The following XKR9 variants were observed in gnomAD, a reference collection of about 807,000 sequenced individuals.
XKR9 encodes XK related 9.
XKR9 carries 32 observed loss-of-function variants against 32.0 expected under a neutral mutation model. That is an observed-to-expected ratio of 1.00 (90% CI 0.76 to 1.34). The LOEUF (loss-of-function observed/expected upper bound fraction) is 1.34, where lower values mean the gene tolerates loss of function less well. Among genes scored for constraint, XKR9 ranks in the 40% most tolerant of loss-of-function variants. The probability of loss-of-function intolerance (pLI) is 0.00; values close to 1 mark genes in which losing one functional copy is unlikely to be tolerated. For synonymous variants in XKR9, 168 were observed against 143.4 expected (o/e 1.17, Z -1.22); for missense variants, 546 against 429.7 (o/e 1.27, Z -2.39).
the XKR9 span, among the ~76,000 whole-genome samples, chr8:70,976,124 AG>A: frequency 6.6e-6 from 1 of 152,216 alleles, no homozygotes; most frequent in Non-Finnish European, 1.5e-5. Context: ...GTTGCTTATC[AG>A]CTTAAGGAGA....
intron 3 of XKR9, among the ~76,000 whole-genome samples, chr8:70,691,580 G>A (rs1805071995): frequency 6.6e-6 from 1 of 152,070 alleles, no homozygotes; most frequent in African/African-American, 2.4e-5. Flanking sequence ...GTATTCAGTT[G>A]ATTTTTGTAT....
At chr8:70,847,789 A>G in the XKR9 span, among the ~76,000 whole-genome samples, 2 of 152,086 alleles carry the variant, frequency 1.3e-5, no homozygotes, top group African/African-American at 4.8e-5. Flanking sequence ...AGAAAACCTC[A>G]GTAAACCAAT....
At chr8:71,046,439 T>C in the XKR9 span, among the ~76,000 whole-genome samples, 1 of 152,200 alleles carries the variant, frequency 6.6e-6, no homozygotes, top group African/African-American at 2.4e-5. Context: ...CTAACATTGC[T>C]TTTCAAATCA....
the XKR9 span, among the ~76,000 whole-genome samples, chr8:70,992,558 G>A: frequency 6.6e-6 from 1 of 152,164 alleles, no homozygotes; most frequent in Admixed American, 6.5e-5. Flanking sequence ...GCCTGGCTTT[G>A]TGAGACCGGT....
At chr8:70,694,384 C>T (rs1483548849) in intron 3 of XKR9, among the ~76,000 whole-genome samples, 2 of 152,114 alleles carry the variant, frequency 1.3e-5, no homozygotes, top group Non-Finnish European at 2.9e-5. Context: ...GTGGCCTGCC[C>T]CTCCCTCTAG....
At chr8:70,778,188 A>G (rs964222692) in intron 2 of XKR9, among the ~76,000 whole-genome samples, 1 of 149,908 alleles carries the variant, frequency 6.7e-6, no homozygotes, top group Admixed American at 6.6e-5. Flanking sequence ...CCAGTTTTCC[A>G]TTTATTAAAT....
the XKR9 span, among the ~76,000 whole-genome samples, chr8:71,029,185 T>TA: frequency 3.3e-4 from 50 of 151,706 alleles, no homozygotes; most frequent in Non-Finnish European, 4.4e-4. Flanking sequence ...AGCATTTCTT[T>TA]AAAAAAAAAT....
the XKR9 span, among the ~76,000 whole-genome samples, chr8:70,931,745 G>T: frequency 6.6e-6 from 1 of 152,216 alleles, no homozygotes; most frequent in Non-Finnish European, 1.5e-5. Context: ...ATATCATGTG[G>T]TGTGAGAGAA....
the XKR9 span, among the ~76,000 whole-genome samples, chr8:70,958,556 A>G: frequency 1.3e-5 from 2 of 151,922 alleles, no homozygotes; most frequent in African/African-American, 2.4e-5. Context: ...GGTTGTTTTT[A>G]TCTTGTAGAT....
At chr8:70,780,411 A>C (rs1051217652) in intron 2 of XKR9, among the ~76,000 whole-genome samples, 2 of 152,030 alleles carry the variant, frequency 1.3e-5, no homozygotes, top group East Asian at 1.9e-4. Context: ...GGTCCCACAA[A>C]TTTTGGCATA....
At chr8:71,053,676 G>A in the XKR9 span, among the ~76,000 whole-genome samples, 3 of 152,164 alleles carry the variant, frequency 2.0e-5, no homozygotes, top group Non-Finnish European at 2.9e-5. Context: ...AGCTTTCCTT[G>A]AAACCAGTCA....
intron 2 of XKR9, among the ~76,000 whole-genome samples, chr8:70,756,519 T>C (rs1807228638): frequency 6.6e-6 from 1 of 152,230 alleles, no homozygotes; most frequent in Admixed American, 6.5e-5. Flanking sequence ...TTCCATTTAT[T>C]TAGATGTTTT....
chr8:70,704,109 G>A (rs996419124), intron 3 of XKR9, among the ~76,000 whole-genome samples: 36 of 152,242 alleles, frequency 2.4e-4, no homozygotes, highest in African/African-American at 8.4e-4. Flanking sequence ...GTGAACCCGG[G>A]AGGTGGAGCT....
At chr8:70,698,755 T>G (rs1805391295) in intron 3 of XKR9, among the ~76,000 whole-genome samples, 1 of 152,188 alleles carries the variant, frequency 6.6e-6, no homozygotes, top group South Asian at 2.1e-4. Flanking sequence ...ACTTTCTGTC[T>G]TGTTGATCTG....
the XKR9 span, among the ~76,000 whole-genome samples, chr8:70,924,771 G>A: frequency 6.6e-6 from 1 of 152,280 alleles, no homozygotes; most frequent in South Asian, 2.1e-4. Flanking sequence ...AGGGACAAAA[G>A]AACAAAATAT....
chr8:70,726,648 C>A (rs895465814), intron 4 of XKR9, among the ~76,000 whole-genome samples: 1 of 152,136 alleles, frequency 6.6e-6, no homozygotes, highest in African/African-American at 2.4e-5. Context: ...GCAATGGCTA[C>A]CAAGAGGTGG....
chr8:70,925,343 T>C, the XKR9 span, among the ~76,000 whole-genome samples: 1 of 151,970 alleles, frequency 6.6e-6, no homozygotes, highest in Admixed American at 6.6e-5. Context: ...ATAGATGGAT[T>C]CAAAAAAAAG....
the XKR9 span, among the ~76,000 whole-genome samples, chr8:71,045,669 G>A: frequency 6.6e-6 from 1 of 152,212 alleles, no homozygotes; most frequent in East Asian, 1.9e-4. Context: ...GCGACCACAA[G>A]CCGAGTCATA....
chr8:70,727,199 A>G (rs996097457), intron 4 of XKR9, among the ~76,000 whole-genome samples: 2 of 152,106 alleles, frequency 1.3e-5, no homozygotes, highest in African/African-American at 2.4e-5. Flanking sequence ...TCCATTTTCC[A>G]TGAACTTCTG....
Sources: allele counts gnomAD v4.1 joint callset (sites outside exome capture counted in the v4.1 genomes callset), GRCh38; gene constraint gnomAD v4.1.1; transcripts MANE v1.5; gene names NCBI Gene and HGNC (gene_info 2026-07-23, HGNC 2026-07-21).